The following ATP2B2 variants were observed in gnomAD, a reference collection of about 807,000 sequenced individuals.
The protein encoded by ATP2B2 is plasma membrane calcium-transporting ATPase 2.
In ATP2B2, 15 loss-of-function variants were observed where a neutral mutation model predicts 120.0. That is an observed-to-expected ratio of 0.12 (90% CI 0.08 to 0.19). ATP2B2 has a LOEUF of 0.19. Ranked by LOEUF, ATP2B2 falls within the 10% of genes least tolerant of loss-of-function variation. The pLI is 1.00. For missense variants in ATP2B2, 1,045 were observed against 1,719.8 expected (o/e 0.61, Z 6.94); for synonymous variants, 694 against 700.3 (o/e 0.99, Z 0.14).
At chr3:10,549,355 T>C (rs1180627834) in intron 2 of ATP2B2, among the ~76,000 whole-genome samples, 2 of 152,046 alleles carry the variant, frequency 1.3e-5, no homozygotes, top group Non-Finnish European at 1.5e-5. Context: ...GTCACATCTG[T>C]CTCAGCACAG....
intron 2 of ATP2B2, among the ~76,000 whole-genome samples, chr3:10,556,852 C>G (rs1475552153): frequency 6.6e-6 from 1 of 152,198 alleles, no homozygotes; most frequent in Non-Finnish European, 1.5e-5. Flanking sequence ...CAGCAACCCT[C>G]TGGGGTGGGT....
At chr3:10,368,877 C>T (rs1161806591) in intron 12 of ATP2B2, among the ~76,000 whole-genome samples, 1 of 152,238 alleles carries the variant, frequency 6.6e-6, no homozygotes, top group Non-Finnish European at 1.5e-5. Flanking sequence ...GATTGCTCAT[C>T]AACACATTTA....
intron 2 of ATP2B2, among the ~76,000 whole-genome samples, chr3:10,591,874 T>C (rs188866048): frequency 1.4e-3 from 219 of 152,268 alleles, no homozygotes; most frequent in Non-Finnish European, 2.4e-3. Flanking sequence ...CAGGGCATCT[T>C]CATCAGCCAG....
intron 3 of ATP2B2, among the ~76,000 whole-genome samples, chr3:10,518,535 T>C (rs1262861923): frequency 6.6e-6 from 1 of 152,222 alleles, no homozygotes; most frequent in Non-Finnish European, 1.5e-5. Flanking sequence ...GTGCCACTCT[T>C]GCCCCAGCAA....
intron 1 of ATP2B2, among the ~76,000 whole-genome samples, chr3:10,476,740 T>C (rs899872162): frequency 2.6e-5 from 4 of 152,346 alleles, no homozygotes; most frequent in Admixed American, 2.0e-4. Context: ...GATCAGCCTC[T>C]AGTTTAGAGG....
At chr3:10,607,281 A>C (rs896651055) in intron 2 of ATP2B2, among the ~76,000 whole-genome samples, 13 of 152,190 alleles carry the variant, frequency 8.5e-5, no homozygotes, top group Non-Finnish European at 2.9e-5. Flanking sequence ...ACAGTGGAGG[A>C]AGCTGCAAAG....
At chr3:10,550,117 C>T (rs754534587) in intron 2 of ATP2B2, among the ~76,000 whole-genome samples, 2 of 152,256 alleles carry the variant, frequency 1.3e-5, no homozygotes, top group Non-Finnish European at 2.9e-5. Context: ...CCAAGGGAGT[C>T]TCTTGTGGCT....
intron 1 of ATP2B2, among the ~76,000 whole-genome samples, chr3:10,691,253 T>C (rs2071657065): frequency 6.6e-6 from 1 of 152,204 alleles, no homozygotes; most frequent in Non-Finnish European, 1.5e-5. Flanking sequence ...CTCTTGTTCA[T>C]ACAGTAGCGA....
At chr3:10,546,161 T>C (rs73028983) in intron 2 of ATP2B2, among the ~76,000 whole-genome samples, 6,670 of 152,304 alleles carry the variant, frequency 0.044, 183 homozygotes, top group East Asian at 0.13. Flanking sequence ...CAGTTGTGCA[T>C]GCAGCAGGCT....
chr3:10,457,808 T>TAA lies in ATP2B2; in HGVS notation c.-319-7948_-319-7947dup, dbSNP rs34501676. On this transcript the variant is annotated intron_variant, in intron 1 of 22. Transcript: ENST00000360273. ...TTCTGTTAACCAGAAAAGGAAAATC[T>TAA]AAAAAAAAATCCCAAAGAAACCGCC... is the stretch of plus-strand genomic sequence containing the variant. Among the ~76,000 whole-genome samples, 57 of 151,228 alleles carry TAA rather than the reference T, an allele frequency of 3.8e-4. 1 individual carries two copies. Among genetic ancestry groups the TAA allele is most frequent in the African/African-American group, 9.7e-4 (40 of 41,204 alleles).
At chr3:10,335,908 C>G (rs1039359026) in intron 22 of ATP2B2, among the ~76,000 whole-genome samples, 4 of 152,154 alleles carry the variant, frequency 2.6e-5, no homozygotes, top group South Asian at 4.1e-4. Flanking sequence ...ACTTGGGACC[C>G]TAATGACCCT....
chr3:10,583,788 C>T (rs1326062816), intron 2 of ATP2B2, among the ~76,000 whole-genome samples: 1 of 152,164 alleles, frequency 6.6e-6, no homozygotes, highest in East Asian at 1.9e-4. Flanking sequence ...GCCGGTTGCA[C>T]CCTGTTTCCC....
chr3:10,346,833 G>A lies in ATP2B2; in HGVS notation c.2405-696C>T, dbSNP rs949455971. Among the ~76,000 whole-genome samples the A allele has an allele frequency of 1.3e-5, 2 of 152,090 alleles. No individual in the cohort carries two copies. The highest frequency in any genetic ancestry group is 4.8e-5 in the African/African-American group (2 of 41,416). On this transcript the variant is annotated intron_variant, in intron 16 of 22. Transcript: ENST00000360273. The surrounding 1 kb of genome is among the most constrained non-coding windows in gnomAD (Gnocchi z 4.1). ...GTCCATGGGCACGACAGGAATTTGG[G>A]TATCAGCATCCATGGGTCTCTCATT... is the stretch of plus-strand genomic sequence containing the variant.
At chr3:10,443,681 G>A (rs1028113322) in intron 2 of ATP2B2, among the ~76,000 whole-genome samples, 2 of 152,166 alleles carry the variant, frequency 1.3e-5, no homozygotes, top group Admixed American at 6.5e-5. Flanking sequence ...CAGCCGTGCC[G>A]GAGGCCAGAC....
intron 2 of ATP2B2, 95 bp downstream of exon 2, chr3:10,449,250 T>A: frequency 2.2e-6 from 3 of 1,361,350 alleles, no homozygotes; most frequent in South Asian, 1.2e-5. Flanking sequence ...CTCTGACACA[T>A]CCCTGCTGTT....
At position 10,343,581 on chromosome 3, in the gene ATP2B2, G is replaced by A. The variant is rs1278260788; in HGVS notation, c.2704-616C>T. 6.6e-6 allele frequency among the ~76,000 whole-genome samples: 1 copy of A among 152,140 alleles called. No homozygotes were observed. The highest frequency in any genetic ancestry group is 2.4e-5 in the African/African-American group (1 of 41,412). On this transcript the variant is annotated intron_variant, in intron 18 of 22. Coordinates refer to ENST00000360273, the MANE Select transcript of ATP2B2 (RefSeq NM_001001331.4). The surrounding 1 kb of genome is among the most constrained non-coding windows in gnomAD (Gnocchi z 4.2). The stretch of plus-strand genomic sequence containing the variant: ...GGTCACCACTGTCCAGGTTCTGGGA[G>A]GGACCCTTTCAGACCTGTCTCTTTG...
intron 2 of ATP2B2, among the ~76,000 whole-genome samples, chr3:10,607,615 A>T (rs139695411): frequency 6.6e-6 from 1 of 152,164 alleles, no homozygotes; most frequent in Non-Finnish European, 1.5e-5. Flanking sequence ...ATTGCCATTC[A>T]ATACCTGAAA....
chr3:10,461,455 T>C (rs2064486342), intron 1 of ATP2B2, among the ~76,000 whole-genome samples: 1 of 152,202 alleles, frequency 6.6e-6, no homozygotes, highest in African/African-American at 2.4e-5. Flanking sequence ...GGTTTGCACT[T>C]GGGTCTGCAC....
rs760426930 is a variant in ATP2B2 at position 10,621,968 on chromosome 3, C to A, written c.-459-2007G>T. On this transcript the variant is annotated intron_variant, in intron 1 of 21. Coordinates refer to the ATP2B2 transcript ENST00000646379. Reference sequence around the variant, plus strand: ...TTTATCTGGAGCAGCACTAGCTGCACGGTCATTGAGACACCCTCTGACTGT... The same window carrying A: ...TTTATCTGGAGCAGCACTAGCTGCAAGGTCATTGAGACACCCTCTGACTGT... Among the ~76,000 whole-genome samples, 3 of 152,226 alleles carry A rather than the reference C, an allele frequency of 2.0e-5. No individual in the cohort carries two copies. In the East Asian group the frequency reaches 5.8e-4, roughly 29 times the overall value.
Sources: allele counts gnomAD v4.1 joint callset (sites outside exome capture counted in the v4.1 genomes callset), GRCh38; gene constraint gnomAD v4.1.1; non-coding constraint Gnocchi (gnomAD v3.1); transcripts MANE v1.5; gene names NCBI Gene and HGNC (gene_info 2026-07-23, HGNC 2026-07-21).